The following AVPI1 variants were observed in gnomAD, a reference collection of about 807,000 sequenced individuals.
AVPI1 encodes the protein arginine vasopressin induced 1.
Under a neutral mutation model 11.9 loss-of-function variants are expected in AVPI1, and 9 were observed. That is an observed-to-expected ratio of 0.76 (90% CI 0.46 to 1.32). AVPI1 has a LOEUF of 1.32. Among genes scored for constraint, AVPI1 ranks in the 40% most tolerant of loss-of-function variants. The pLI is 0.00. For synonymous variants in AVPI1, 68 were observed against 78.1 expected (o/e 0.87, Z 0.68); for missense variants, 207 against 195.8 (o/e 1.06, Z -0.34).
rs767298515 is a variant in AVPI1, at chr10:97,679,783, G to A, written c.123C>T (p.Ala41=). Residue 41 remains alanine, a synonymous_variant, in exon 2 of 3, where the codon GCC becomes GCT. Transcript: ENST00000370626. ...GCTGGTCCCCGCTGCGTTGAAACAG[G>A]GCTTGGATCTGCAGCAGCTCGGCGT... ...FQDAELLQIQ[A]LFQRSGDQLA... The A allele has an allele frequency of 1.9e-6, 3 of 1,613,920 alleles. No individual in the cohort carries two copies. In the East Asian group the frequency reaches 6.7e-5, roughly 36 times the overall value.
At position 97,682,143 on chromosome 10, in the gene AVPI1, C is replaced by T. The variant is rs1043165979; in HGVS notation, c.-10-2228G>A. On this transcript the variant is annotated intron_variant, in intron 1 of 2. Transcript: ENST00000370626. The stretch of plus-strand genomic sequence containing the variant: ...CCATGGATACTGAGGAATTTATAAA[C>T]GCAAATCCTCCTCTGTTGGCCTCTG... Among the ~76,000 whole-genome samples, 4 of 152,190 alleles carry T rather than the reference C, an allele frequency of 2.6e-5. 1 individual carries two copies. The highest frequency in any genetic ancestry group is 2.1e-4 in the South Asian group (1 of 4,832).
chr10:97,678,922 TGTGTGTGTGTGTGTGTGTGTGTGTGTGTG>T (rs2041683807), intron 2 of AVPI1, among the ~76,000 whole-genome samples: 5 of 17,278 alleles, frequency 2.9e-4, no homozygotes, highest in East Asian at 1.0e-3. Context: ...TGTGTGTGTG[TGTGTGTGTGTGTGTGTGTGTGTGTGTGTG>T]TGTGTGTGTG....
intron 1 of AVPI1, among the ~76,000 whole-genome samples, chr10:97,683,924 A>C (rs2041716838): frequency 6.6e-6 from 1 of 152,176 alleles, no homozygotes; most frequent in South Asian, 2.1e-4. Context: ...GAGGGCCTGC[A>C]CCAGTGCTGA....
chr10:97,684,973 C>A (rs10786364), intron 1 of AVPI1, among the ~76,000 whole-genome samples: 71,265 of 152,056 alleles, frequency 0.47, 17,010 homozygotes, highest in African/African-American at 0.55. Flanking sequence ...TGTCTCATTC[C>A]ATGTGTTCAA....
At chr10:97,681,894 G>GAAAAAAAAA (rs555725587) in intron 1 of AVPI1, among the ~76,000 whole-genome samples, 223 of 106,182 alleles carry the variant, frequency 2.1e-3, no homozygotes, top group South Asian at 4.5e-3. Flanking sequence ...CAAAAAAAAA[G>GAAAAAAAAA]AAAAAAAAAA....
chr10:97,679,939 A>G (rs45491602), intron 1 of AVPI1, 24 bp from the exon 2 acceptor site: 282,130 of 1,512,880 alleles, frequency 0.19, 28,020 homozygotes, highest in South Asian at 0.34. Context: ...GCATGGAGAC[A>G]TCATCAACTC....
intron 1 of AVPI1, among the ~76,000 whole-genome samples, chr10:97,684,497 CTTT>C (rs5787253): frequency 6.8e-5 from 8 of 117,562 alleles, no homozygotes; most frequent in African/African-American, 1.3e-4. Context: ...TCTTTTTACT[CTTT>C]TTTTTTTTTT....
rs1350299895 is a variant in AVPI1, at chr10:97,679,834, C to G, written c.72G>C (p.Lys24Asn). The G allele has an allele frequency of 1.9e-6, 3 of 1,609,096 alleles. No individual in the cohort carries two copies. In the Admixed American group the frequency reaches 5.0e-5, roughly 27 times the overall value. The change falls in exon 2 of 3, where the codon AAG becomes AAC. Residue 24 changes from lysine (K) to asparagine (N), a missense_variant. By Grantham distance (94) the Lys-to-Asn change is moderately conservative. Coordinates refer to ENST00000370626, the MANE Select transcript of AVPI1 (RefSeq NM_021732.3). ...CCTGGAAGATGTTGGCCGAGGCCTG[C>G]TTGCGGCCCCGGGCCTCAATCGGGG... is the stretch of plus-strand genomic sequence containing the variant. ...WQAPIEARGR[K>N]QASANIFQDA...
chr10:97,678,000 C>A lies in AVPI1; in HGVS notation c.313G>T (p.Ala105Ser), dbSNP rs1422009359. Residue 105 changes from alanine to serine, a missense_variant, in exon 3 of 3, where the codon GCC becomes TCC. By Grantham distance (99) the Ala-to-Ser change is moderately conservative. Coordinates refer to ENST00000370626, the MANE Select transcript of AVPI1 (RefSeq NM_021732.3). Reference sequence around the variant, plus strand: ...GTCTCTGTGGCACTCTGTGGGTTGGCCAGTGCAGAGTGGGGCTCCAGGATT... The same window carrying A: ...GTCTCTGTGGCACTCTGTGGGTTGGACAGTGCAGAGTGGGGCTCCAGGATT... ...LRILEPHSAL[A>S]NPQSATETAS... is the part of the protein sequence containing the mutation. 1.9e-6 allele frequency: 3 copies of A among 1,614,044 alleles called. No individual in the cohort carries two copies. The highest frequency in any genetic ancestry group is 2.5e-6 in the Non-Finnish European group (3 of 1,179,984).
chr10:97,677,822 CT>C lies in AVPI1; in HGVS notation c.*46del. ...TCTCTCTTCCTTCACCTCCCCAGGC[CT>C]TTTGGCAAGAGGGAAGACACTGCCA... On this transcript the variant is annotated 3_prime_UTR_variant, in exon 3 of 3. Transcript: ENST00000370626. 6.2e-7 allele frequency: 1 copy of C among 1,606,074 alleles called. No individual in the cohort carries two copies. The highest frequency in any genetic ancestry group is 8.5e-7 in the Non-Finnish European group (1 of 1,174,940).
rs1164949786 is a variant in AVPI1, at chr10:97,677,783, C to A, written c.*86G>T. ...TCTTGCTTTCATTTACCCCTTTGGG[C>A]TGCTTGCCTAAAGTCTCTCTTCCTT... On this transcript the variant is annotated 3_prime_UTR_variant, in exon 3 of 3. Transcript: ENST00000370626. 4 of 1,538,654 alleles carry A rather than the reference C, an allele frequency of 2.6e-6. No individual in the cohort carries two copies. The highest frequency in any genetic ancestry group is 1.8e-5 in the Admixed American group (1 of 55,302).
Position 97,677,839 on chromosome 10 carries a change from GAC to G in AVPI1, c.*28_*29del. 6.2e-7 allele frequency: 1 copy of G among 1,611,440 alleles called. No individual in the cohort carries two copies. On this transcript the variant is annotated 3_prime_UTR_variant, in exon 3 of 3. Coordinates refer to ENST00000370626, the MANE Select transcript of AVPI1 (RefSeq NM_021732.3). ...CCCCAGGCCTTTTGGCAAGAGGGAA[GAC>G]ACTGCCATTCCTGGCTCTTTCCCTG...
intron 1 of AVPI1, among the ~76,000 whole-genome samples, chr10:97,681,234 G>C (rs1444101991): frequency 1.3e-5 from 2 of 152,160 alleles, no homozygotes; most frequent in Admixed American, 1.3e-4. Context: ...TACCCAATAA[G>C]AGCTAAATAA....
In AVPI1 at chr10:97,679,707, C is replaced by T; in HGVS notation, c.199G>A (p.Val67Met). The T allele has an allele frequency of 6.2e-7, 1 of 1,614,204 alleles. No individual in the cohort carries two copies. The highest frequency in any genetic ancestry group is 8.5e-7 in the Non-Finnish European group (1 of 1,180,044). Residue 67 changes from valine to methionine, a missense_variant, in exon 2 of 3, where the codon GTG becomes ATG. By Grantham distance (21) the Val-to-Met change is conservative. Transcript: ENST00000370626. ...IIWECAGDHR[V>M]AEALKRLRRK... ...CGCAGCCTCTTGAGGGCCTCAGCCACACGGTGGTCCCCTGCACATTCCCAG... is the reference window on the plus strand; with the variant it reads ...CGCAGCCTCTTGAGGGCCTCAGCCATACGGTGGTCCCCTGCACATTCCCAG...
chr10:97,678,912 T>TTCA (rs1564779812), intron 2 of AVPI1, among the ~76,000 whole-genome samples: 2 of 10,032 alleles, frequency 2.0e-4, no homozygotes, highest in Non-Finnish European at 4.9e-4. Context: ...TGTGTGTGTG[T>TTCA]GTGTGTGTGT....
chr10:97,679,800 G>C lies in AVPI1; in HGVS notation c.106C>G (p.Leu36Val). The C allele has an allele frequency of 6.2e-7, 1 of 1,613,604 alleles. No homozygotes were observed. Among genetic ancestry groups the C allele is most frequent in the Non-Finnish European group, 8.5e-7 (1 of 1,179,972 alleles). ...ASANIFQDAELLQIQALFQRS... is the reference protein window; with the variant it reads ...ASANIFQDAEVLQIQALFQRS... ...TGAAACAGGGCTTGGATCTGCAGCA[G>C]CTCGGCGTCCTGGAAGATGTTGGCC... Residue 36 changes from leucine to valine, a missense_variant, in exon 2 of 3, where the codon CTG becomes GTG. Physicochemically the swap from Leu to Val is conservative, Grantham distance 32. Transcript: ENST00000370626.
chr10:97,683,562 A>G (rs1368119859), intron 1 of AVPI1, among the ~76,000 whole-genome samples: 1 of 152,252 alleles, frequency 6.6e-6, no homozygotes, highest in African/African-American at 2.4e-5. Flanking sequence ...TAATTCATGA[A>G]GGGGAAATCC....
intron 2 of AVPI1, among the ~76,000 whole-genome samples, chr10:97,678,918 T>TTTTCAGAGACA (rs1564779825): frequency 7.6e-5 from 1 of 13,096 alleles, no homozygotes; most frequent in African/African-American, 2.3e-4. Flanking sequence ...TGTGTGTGTG[T>TTTTCAGAGACA]GTGTGTGTGT....
chr10:97,681,357 C>T (rs376355948), intron 1 of AVPI1, among the ~76,000 whole-genome samples: 3 of 150,726 alleles, frequency 2.0e-5, no homozygotes, highest in Admixed American at 6.6e-5. Context: ...GTGAGGCGGG[C>T]GGATCACCTG....
Sources: allele counts gnomAD v4.1 joint callset (sites outside exome capture counted in the v4.1 genomes callset), GRCh38; gene constraint gnomAD v4.1.1; transcripts MANE v1.5; gene names NCBI Gene and HGNC (gene_info 2026-07-23, HGNC 2026-07-21).